YPEL2: variants seen among roughly 807,000 people sequenced by gnomAD.
The protein encoded by YPEL2 is protein yippee-like 2.
A neutral mutation model predicts 19.1 loss-of-function variants in YPEL2; 2 were observed. The observed-to-expected ratio is 0.10, with a 90% CI of 0.04 to 0.33. The LOEUF (loss-of-function observed/expected upper bound fraction) is 0.33, where lower values mean the gene tolerates loss of function less well. Ranked by LOEUF, YPEL2 falls within the 10% of genes least tolerant of loss-of-function variation. The pLI is 1.00. For synonymous variants in YPEL2, 52 were observed against 50.0 expected (o/e 1.04, Z -0.17); for missense variants, 66 against 140.7 (o/e 0.47, Z 2.68).
intron 1 of YPEL2, among the ~76,000 whole-genome samples, chr17:59,332,639 C>A (rs1408188702): frequency 6.6e-6 from 1 of 152,170 alleles, no homozygotes; most frequent in Non-Finnish European, 1.5e-5. Context: ...GTGGGGGACA[C>A]CTGTTCTTCT....
At chr17:59,339,986 C>T (rs1486018008) in intron 1 of YPEL2, among the ~76,000 whole-genome samples, 1 of 152,098 alleles carries the variant, frequency 6.6e-6, no homozygotes, top group East Asian at 1.9e-4. Flanking sequence ...CTCCTCTTGC[C>T]AAGCTTTGGG....
chr17:59,378,333 C>T (rs564239733), intron 2 of YPEL2, among the ~76,000 whole-genome samples: 1 of 137,904 alleles, frequency 7.3e-6, no homozygotes, highest in South Asian at 2.3e-4. Flanking sequence ...TGGCTTAAGT[C>T]CCAGAGTCTC....
chr17:59,350,657 G>A (rs537030802), intron 1 of YPEL2, among the ~76,000 whole-genome samples: 1 of 152,330 alleles, frequency 6.6e-6, no homozygotes, highest in Admixed American at 6.5e-5. Context: ...AGGTAGCTTT[G>A]AATAAGTTTC....
intron 1 of YPEL2, among the ~76,000 whole-genome samples, chr17:59,346,942 T>C (rs1012617221): frequency 3.3e-5 from 5 of 152,136 alleles, no homozygotes; most frequent in African/African-American, 1.2e-4. Flanking sequence ...CAAGGAGTGG[T>C]ACAAGTTGCC....
rs774342849 is a variant in YPEL2 at position 59,381,959 on chromosome 17, C to G, written c.118-6368C>G. ...CTTCGGTACCACCCTCTCTCCAGGC[C>G]GTGCCAGGTTGTGCCAGGCTGGGCT... On this transcript the variant is annotated intron_variant, in intron 2 of 4. Transcript: ENST00000312655. Among the ~76,000 whole-genome samples the G allele has an allele frequency of 2.0e-5, 3 of 152,284 alleles. No individual in the cohort carries two copies. The East Asian group carries it at 5.8e-4, about 30-fold the overall frequency.
chr17:59,395,736 T>C (rs564122107), intron 4 of YPEL2, among the ~76,000 whole-genome samples: 1 of 152,230 alleles, frequency 6.6e-6, no homozygotes, highest in South Asian at 2.1e-4. Flanking sequence ...CCTCACGGTA[T>C]TTTGTTCCTC....
intron 2 of YPEL2, among the ~76,000 whole-genome samples, chr17:59,376,184 G>C (rs113005548): frequency 1.1e-3 from 161 of 152,260 alleles, no homozygotes; most frequent in African/African-American, 3.7e-3. Context: ...GAGCCAGACT[G>C]CCTGGACCTC....
intron 2 of YPEL2, among the ~76,000 whole-genome samples, chr17:59,373,726 C>A (rs1001322871): frequency 3.3e-5 from 5 of 152,176 alleles, no homozygotes; most frequent in African/African-American, 1.2e-4. Flanking sequence ...ATTTTTTTTA[C>A]CATCAGAGAT....
At chr17:59,340,120 T>C (rs537377997) in intron 1 of YPEL2, among the ~76,000 whole-genome samples, 1 of 152,158 alleles carries the variant, frequency 6.6e-6, no homozygotes, top group East Asian at 1.9e-4. Context: ...TTTTTTTTTT[T>C]TTTTGAGATG....
chr17:59,385,831 A>T (rs2147955750), intron 2 of YPEL2, among the ~76,000 whole-genome samples: 1 of 152,150 alleles, frequency 6.6e-6, no homozygotes, highest in South Asian at 2.1e-4. Context: ...TGTTTATAGA[A>T]AACAAAAAAA....
chr17:59,334,827 C>T (rs771091314), intron 1 of YPEL2, among the ~76,000 whole-genome samples: 3 of 152,096 alleles, frequency 2.0e-5, no homozygotes, highest in Non-Finnish European at 4.4e-5. Context: ...TCAGTTTGGC[C>T]AAGCAACTCA....
chr17:59,342,155 G>A (rs1598025796), intron 1 of YPEL2, among the ~76,000 whole-genome samples: 1 of 152,334 alleles, frequency 6.6e-6, no homozygotes, highest in East Asian at 1.9e-4. Context: ...CATGCTGACA[G>A]CTGAACAACA....
intron 2 of YPEL2, among the ~76,000 whole-genome samples, chr17:59,362,323 T>A (rs1331534859): frequency 6.6e-6 from 1 of 151,626 alleles, no homozygotes; most frequent in Non-Finnish European, 1.5e-5. Context: ...GGGAATTGGG[T>A]TCAGGAAGTC....
At chr17:59,366,559 C>G (rs2047870399) in intron 2 of YPEL2, among the ~76,000 whole-genome samples, 1 of 152,180 alleles carries the variant, frequency 6.6e-6, no homozygotes, top group Non-Finnish European at 1.5e-5. Context: ...TCGGGCAGCC[C>G]CTTGTTCTCT....
chr17:59,360,916 C>T (rs2047837547), intron 2 of YPEL2, among the ~76,000 whole-genome samples: 1 of 152,154 alleles, frequency 6.6e-6, no homozygotes, highest in Admixed American at 6.5e-5. Flanking sequence ...ACTGCAATCT[C>T]TGCCTCCCGG....
intron 1 of YPEL2, among the ~76,000 whole-genome samples, chr17:59,337,803 A>G (rs2047707397): frequency 6.6e-6 from 1 of 152,204 alleles, no homozygotes; most frequent in African/African-American, 2.4e-5. Context: ...GGAGATATAC[A>G]CACTGAGGTT....
chr17:59,375,789 A>T (rs188887203), intron 2 of YPEL2, among the ~76,000 whole-genome samples: 1 of 152,240 alleles, frequency 6.6e-6, no homozygotes, highest in Admixed American at 6.5e-5. Context: ...CTAAGTCAAT[A>T]TGGAATCAGA....
At position 59,340,109 on chromosome 17, in the gene YPEL2, C is replaced by CT. The variant is rs746748126; in HGVS notation, c.-196+8300dup. Among the ~76,000 whole-genome samples, 783 of 141,272 alleles carry CT rather than the reference C, an allele frequency of 5.5e-3. 5 individuals carry two copies. Among genetic ancestry groups the CT allele is most frequent in the Non-Finnish European group, 6.6e-3 (421 of 64,194 alleles). The allele number at this position is 141,272 out of a possible 152,430, so 92.7% of individuals were successfully genotyped here. Reference sequence around the variant, plus strand: ...CTGAGAAACAACTAATTTTGTGGAACTTTTTTTTTTTTTTTGAGATGGAGT... The same window carrying CT: ...CTGAGAAACAACTAATTTTGTGGAACTTTTTTTTTTTTTTTTGAGATGGAGT... On this transcript the variant is annotated intron_variant, in intron 1 of 4. Coordinates refer to ENST00000312655, the MANE Select transcript of YPEL2 (RefSeq NM_001005404.4).
chr17:59,379,402 G>T (rs1321019644), intron 2 of YPEL2, among the ~76,000 whole-genome samples: 3 of 152,176 alleles, frequency 2.0e-5, no homozygotes. Context: ...ACCCTTCCCT[G>T]CAGAATGTGA....
Sources: gnomAD v4.1 joint callset for allele counts (sites outside exome capture counted in the v4.1 genomes callset) on GRCh38, gnomAD v4.1.1 for gene constraint, MANE v1.5 for transcripts, NCBI Gene and HGNC (gene_info 2026-07-23, HGNC 2026-07-21) for gene names.